LPP: variants seen among roughly 807,000 people sequenced by gnomAD.
LPP encodes LIM domain containing preferred translocation partner in lipoma.
LPP carries 38 observed loss-of-function variants against 60.4 expected under a neutral mutation model. That is an observed-to-expected ratio of 0.63 (90% CI 0.49 to 0.83). The LOEUF (loss-of-function observed/expected upper bound fraction) is 0.83. Ranked by LOEUF, LPP falls within the 40% of genes least tolerant of loss-of-function variation. The probability of loss-of-function intolerance (pLI) is 0.00; values close to 1 mark genes in which losing one functional copy is unlikely to be tolerated. For synonymous variants in LPP, 328 were observed against 290.8 expected, an observed-to-expected ratio of 1.13 and a Z score of -1.30; for missense variants, 902 against 783.6, an observed-to-expected ratio of 1.15 and a Z score of -1.80.
chr3:188,192,964 T>G (rs1035913970), intron 1 of LPP, among the ~76,000 whole-genome samples: 5 of 152,200 alleles, frequency 3.3e-5, no homozygotes, highest in South Asian at 2.1e-4. Flanking sequence ...CATCTTTCCT[T>G]GCTGCCCCTG....
chr3:188,657,959 A>G (rs2378418), intron 7 of LPP, among the ~76,000 whole-genome samples: 149,864 of 152,260 alleles, frequency 0.98, 73,794 homozygotes, highest in East Asian at 1. Flanking sequence ...TGCAGCTCAG[A>G]TATGTGTCAT....
At chr3:188,516,793 T>G (rs1817501454) in intron 5 of LPP, among the ~76,000 whole-genome samples, 1 of 151,910 alleles carries the variant, frequency 6.6e-6, no homozygotes, top group Admixed American at 6.5e-5. Flanking sequence ...TCACCCAAGA[T>G]GTACAGATAA....
intron 6 of LPP, among the ~76,000 whole-genome samples, chr3:188,581,653 C>A (rs2150987346): frequency 6.6e-6 from 1 of 152,136 alleles, no homozygotes; most frequent in African/African-American, 2.4e-5. Context: ...ATCTGTAACT[C>A]TCATCTCCAT....
At chr3:188,620,536 T>C (rs1845618583) in intron 7 of LPP, among the ~76,000 whole-genome samples, 1 of 152,188 alleles carries the variant, frequency 6.6e-6, no homozygotes, top group African/African-American at 2.4e-5. Context: ...TATGAATACA[T>C]CACATTATAT....
chr3:188,856,630 C>T (rs1288981130), intron 9 of LPP, among the ~76,000 whole-genome samples: 2 of 152,162 alleles, frequency 1.3e-5, no homozygotes, highest in Non-Finnish European at 1.5e-5. Context: ...CTTAGTATCC[C>T]ATTCTATAGA....
intron 4 of LPP, among the ~76,000 whole-genome samples, chr3:188,428,406 G>A (rs893271065): frequency 2.6e-5 from 4 of 151,956 alleles, no homozygotes; most frequent in Admixed American, 6.6e-5. Flanking sequence ...TTTGGGACTT[G>A]GAATCTACAA....
intron 7 of LPP, among the ~76,000 whole-genome samples, chr3:188,675,311 G>A (rs973457346): frequency 6.6e-6 from 1 of 152,160 alleles, no homozygotes; most frequent in Non-Finnish European, 1.5e-5. Flanking sequence ...CTGAGGTATG[G>A]CAAAATCTGG....
intron 5 of LPP, among the ~76,000 whole-genome samples, chr3:188,496,458 A>G (rs1056584734): frequency 6.6e-5 from 10 of 152,130 alleles, no homozygotes; most frequent in Non-Finnish European, 1.5e-4. Flanking sequence ...AGACTTTCAT[A>G]TACTTTATCT....
intron 2 of LPP, among the ~76,000 whole-genome samples, chr3:188,283,766 T>G (rs1742938805): frequency 1.3e-5 from 2 of 152,046 alleles, no homozygotes; most frequent in South Asian, 4.1e-4. Flanking sequence ...GGAAGGGTTG[T>G]CAGGAGTTCG....
At chr3:188,821,215 T>C (rs775498540) in intron 9 of LPP, among the ~76,000 whole-genome samples, 16 of 151,364 alleles carry the variant, frequency 1.1e-4, no homozygotes, top group Admixed American at 3.3e-4. Flanking sequence ...AAATAAGTAA[T>C]GCACATAGTT....
intron 2 of LPP, chr3:188,312,959 G>C (rs1050240801): frequency 1.3e-5 from 2 of 151,458 alleles, no homozygotes; most frequent in Non-Finnish European, 2.9e-5. Flanking sequence ...ACAGGAAAGG[G>C]AACATCACAC....
chr3:188,391,173 G>A (rs1034865355), intron 3 of LPP, among the ~76,000 whole-genome samples: 1 of 152,172 alleles, frequency 6.6e-6, no homozygotes, highest in Non-Finnish European at 1.5e-5. Context: ...AGCCCCCTGG[G>A]TTAGAAAACA....
chr3:188,774,662 C>T (rs77903520), intron 9 of LPP, among the ~76,000 whole-genome samples: 4 of 152,232 alleles, frequency 2.6e-5, no homozygotes, highest in Non-Finnish European at 5.9e-5. Context: ...GAATGGAAGT[C>T]CGAGATCAGG....
At chr3:188,675,124 C>G (rs1448309653) in intron 7 of LPP, among the ~76,000 whole-genome samples, 1 of 152,146 alleles carries the variant, frequency 6.6e-6, no homozygotes, top group Admixed American at 6.6e-5. Context: ...AGAAGAGGAC[C>G]AGCCCTGCTG....
At chr3:188,241,283 C>G (rs1232637827) in intron 2 of LPP, among the ~76,000 whole-genome samples, 1 of 152,202 alleles carries the variant, frequency 6.6e-6, no homozygotes, top group African/African-American at 2.4e-5. Context: ...GTACGTTTCT[C>G]CAGCTGATCC....
intron 9 of LPP, among the ~76,000 whole-genome samples, chr3:188,790,440 C>T (rs1355105053): frequency 6.6e-6 from 1 of 151,986 alleles, no homozygotes; most frequent in Non-Finnish European, 1.5e-5. Flanking sequence ...GTGATTATCT[C>T]TGGAAAAGAG....
chr3:188,209,745 A>G (rs1283889686), intron 1 of LPP, among the ~76,000 whole-genome samples: 6 of 152,294 alleles, frequency 3.9e-5, no homozygotes, highest in Admixed American at 3.9e-4. Flanking sequence ...GAACAGCTGG[A>G]CTTGCAGGTC....
At chr3:188,425,019 T>C (rs1788900056) in intron 4 of LPP, among the ~76,000 whole-genome samples, 1 of 152,198 alleles carries the variant, frequency 6.6e-6, no homozygotes, top group South Asian at 2.1e-4. Flanking sequence ...CCTTGTCTTG[T>C]GCTGGTTTTC....
intron 4 of LPP, among the ~76,000 whole-genome samples, chr3:188,407,784 G>GTTTTTTTTT (rs1397646143): frequency 6.1e-5 from 7 of 114,822 alleles, no homozygotes; most frequent in African/African-American, 1.9e-4. Flanking sequence ...TTTTTTGTTT[G>GTTTTTTTTT]TTTGTTTTTT....
Sources: allele counts gnomAD v4.1 joint callset (sites outside exome capture counted in the v4.1 genomes callset), GRCh38; gene constraint gnomAD v4.1.1; transcripts MANE v1.5; gene names NCBI Gene and HGNC (gene_info 2026-07-23, HGNC 2026-07-21).